GPHN: variants seen among roughly 807,000 people sequenced by gnomAD.
GPHN encodes the protein gephyrin.
In GPHN, 17 loss-of-function variants were observed where a neutral mutation model predicts 95.5. The ratio of observed to expected loss-of-function variants is 0.18; its 90% CI spans 0.12 to 0.27. The LOEUF is 0.27. Among genes scored for constraint, GPHN ranks in the 10% least tolerant of loss-of-function variants. The pLI, the probability that GPHN is intolerant of heterozygous loss-of-function variation, is 1.00. For missense variants in GPHN, 660 were observed against 978.1 expected (o/e 0.67, Z 4.34); for synonymous variants, 320 against 322.5 (o/e 0.99, Z 0.08).
chr14:66,663,326 A>G (rs2065764826), intron 1 of GPHN, among the ~76,000 whole-genome samples: 1 of 152,218 alleles, frequency 6.6e-6, no homozygotes, highest in Non-Finnish European at 1.5e-5. Context: ...AATATTCAAC[A>G]TGCTGAAAAA....
At chr14:67,540,620 TCC>T in the GPHN span, among the ~76,000 whole-genome samples, 1 of 140,624 alleles carries the variant, frequency 7.1e-6, no homozygotes, top group Non-Finnish European at 1.5e-5. Flanking sequence ...AGTGAGACTC[TCC>T]CTCAAAAAAA....
chr14:67,473,031 G>C, the GPHN span: 1 of 228,436 alleles, frequency 4.4e-6, no homozygotes, highest in Non-Finnish European at 8.7e-6. The surrounding 1 kb of genome is among the most constrained non-coding windows in gnomAD (Gnocchi z 6.5). Flanking sequence ...ACTAAATCCA[G>C]ATCGGAGGGA....
chr14:66,565,817 T>G (rs540287576), intron 1 of GPHN, among the ~76,000 whole-genome samples: 1 of 152,310 alleles, frequency 6.6e-6, no homozygotes, highest in East Asian at 1.9e-4. Flanking sequence ...CAATTTTATC[T>G]TTGTCATTTC....
chr14:67,106,129 A>G (rs1405677033), intron 13 of GPHN, among the ~76,000 whole-genome samples: 1 of 152,170 alleles, frequency 6.6e-6, no homozygotes, highest in East Asian at 1.9e-4. Flanking sequence ...TCTGGGAAAG[A>G]CTATTTCTCC....
the GPHN span, among the ~76,000 whole-genome samples, chr14:67,209,660 A>C: frequency 6.6e-6 from 1 of 151,670 alleles, no homozygotes; most frequent in Non-Finnish European, 1.5e-5. Flanking sequence ...TCTACTAAAA[A>C]TACAAAAATT....
the GPHN span, among the ~76,000 whole-genome samples, chr14:67,274,937 GTA>G: frequency 1.3e-5 from 2 of 152,196 alleles, no homozygotes; most frequent in Non-Finnish European, 2.9e-5. Context: ...TGTTATTGGT[GTA>G]TAAGAATGCT....
At chr14:66,815,249 G>A (rs1216690204) in intron 3 of GPHN, among the ~76,000 whole-genome samples, 3 of 152,132 alleles carry the variant, frequency 2.0e-5, no homozygotes, top group Non-Finnish European at 4.4e-5. Context: ...CATGTTTCAG[G>A]TATCATCCAT....
intron 1 of GPHN, among the ~76,000 whole-genome samples, chr14:66,551,417 C>T (rs1036001103): frequency 2.0e-5 from 3 of 152,104 alleles, no homozygotes; most frequent in Admixed American, 6.5e-5. Flanking sequence ...TTTTGTAGTT[C>T]ATCCCTGGTC....
At chr14:67,588,655 A>T in the GPHN span, 1 of 152,266 alleles carries the variant, frequency 6.6e-6, no homozygotes, top group Non-Finnish European at 1.5e-5. Context: ...TGATTTTCCA[A>T]CATCTAGGAA....
At chr14:66,632,777 C>T (rs1330142315) in intron 1 of GPHN, among the ~76,000 whole-genome samples, 1 of 152,092 alleles carries the variant, frequency 6.6e-6, no homozygotes, top group East Asian at 1.9e-4. Flanking sequence ...AGGTGTGAGC[C>T]ACCGCACCCG....
In GPHN at chr14:67,082,007, G is replaced by A. The variant is rs117939387; in HGVS notation, c.1145-6976G>A. On this transcript the variant is annotated intron_variant, in intron 11 of 22. Transcript: ENST00000478722. ...GTTGTTTTAGTGACTATGGCCTTAC[G>A]GTATAGTTTGAAGTCACGTAGTGTG... Among the ~76,000 whole-genome samples, 1,116 of 152,046 alleles carry A rather than the reference G, an allele frequency of 7.3e-3. 2 individuals are homozygous for A. The highest frequency in any genetic ancestry group is 0.013 in the Non-Finnish European group (877 of 67,916).
chr14:67,348,992 C>T, the GPHN span: 14 of 1,563,378 alleles, frequency 9.0e-6, no homozygotes, highest in African/African-American at 1.4e-5. Flanking sequence ...TTTAAAATGT[C>T]ACCTCTTTTC....
At chr14:66,883,159 A>T (rs185691226) in intron 5 of GPHN, among the ~76,000 whole-genome samples, 1 of 151,866 alleles carries the variant, frequency 6.6e-6, no homozygotes, top group African/African-American at 2.4e-5. Flanking sequence ...TGAATTTTAG[A>T]TTTTTTGGTA....
intron 6 of GPHN, among the ~76,000 whole-genome samples, chr14:66,917,910 T>C (rs1258463827): frequency 6.6e-6 from 1 of 152,144 alleles, no homozygotes; most frequent in African/African-American, 2.4e-5. Context: ...TGAGTCAGGG[T>C]CTTTCTAGAA....
chr14:66,758,801 A>G (rs1046763981), intron 2 of GPHN, among the ~76,000 whole-genome samples: 1 of 152,164 alleles, frequency 6.6e-6, no homozygotes, highest in African/African-American at 2.4e-5. Context: ...GAACTAGAAT[A>G]TTGATCCAGA....
the GPHN span, among the ~76,000 whole-genome samples, chr14:67,502,479 G>A: frequency 7.6e-6 from 1 of 132,192 alleles, no homozygotes; most frequent in Non-Finnish European, 1.6e-5. Flanking sequence ...TTGAGACTGA[G>A]TTTTGCTTTG....
intron 9 of GPHN, among the ~76,000 whole-genome samples, chr14:66,985,405 C>T (rs1406806949): frequency 1.3e-5 from 2 of 152,004 alleles, no homozygotes; most frequent in Non-Finnish European, 2.9e-5. Flanking sequence ...AACACTACTC[C>T]AGATACTGCT....
At chr14:67,141,725 A>G (rs2080467998) in intron 17 of GPHN, among the ~76,000 whole-genome samples, 1 of 152,196 alleles carries the variant, frequency 6.6e-6, no homozygotes, top group Non-Finnish European at 1.5e-5. Context: ...TGACTAGCTT[A>G]TCTCTTATAG....
downstream of GPHN, among the ~76,000 whole-genome samples, chr14:67,182,647 C>T (rs538277523): frequency 2.0e-5 from 3 of 152,012 alleles, no homozygotes; most frequent in African/African-American, 7.2e-5. Flanking sequence ...TATTTACAAA[C>T]ATGAATAGGG....
Sources: gnomAD v4.1 joint callset for allele counts (sites outside exome capture counted in the v4.1 genomes callset) on GRCh38, gnomAD v4.1.1 for gene constraint, Gnocchi (gnomAD v3.1) non-coding constraint, MANE v1.5 for transcripts, NCBI Gene and HGNC (gene_info 2026-07-23, HGNC 2026-07-21) for gene names.